Variants in ZC3HAV1L observed in about 807,000 individuals in gnomAD.
ZC3HAV1L encodes ZC3HAV1 like, also known as zinc finger CCCH-type antiviral protein 1-like.
A neutral mutation model predicts 28.2 loss-of-function variants in ZC3HAV1L; 23 were observed. The observed-to-expected ratio is 0.82, with a 90% CI of 0.59 to 1.16. ZC3HAV1L has a LOEUF of 1.16. ZC3HAV1L is among the 50% of genes most tolerant of loss of function. The pLI, the probability that ZC3HAV1L is intolerant of heterozygous loss-of-function variation, is 0.00. For missense variants in ZC3HAV1L, 376 were observed against 387.7 expected (o/e 0.97, Z 0.25); for synonymous variants, 180 against 163.4 (o/e 1.10, Z -0.78).
rs189417805 is a variant in ZC3HAV1L at position 139,036,035 on chromosome 7, C to T, written c.-18G>A. On this transcript the variant is annotated 5_prime_UTR_variant, in exon 1 of 5. Transcript: ENST00000275766. ...TCCGCCATGGTCGCTGGCGCGGGCC[C>T]TGTGCGCGCGGCGCAGCGAGCCGGG... The T allele has an allele frequency of 5.5e-4, 822 of 1,481,206 alleles. 3 individuals are homozygous for T. In the African/African-American group the frequency reaches 9.6e-3, roughly 17 times the overall value. 91.8% of individuals were successfully genotyped at this position (1,481,206 alleles called of 1,614,324 possible).
rs1406888429 is a variant in ZC3HAV1L, at chr7:139,026,572, A to G, written c.887-12T>C. 2.5e-6 allele frequency: 4 copies of G among 1,612,536 alleles called. No homozygotes were observed. The highest frequency in any genetic ancestry group is 3.3e-5 in the Admixed American group (2 of 59,996). On this transcript the variant is annotated splice_polypyrimidine_tract_variant and intron_variant, in intron 4 of 4. Transcript: ENST00000275766. ...CTTCTCGCAAGACACTGTGAGGTAGATATTATTATGACCATTACAAATCTA... is the reference window on the plus strand; with the variant it reads ...CTTCTCGCAAGACACTGTGAGGTAGGTATTATTATGACCATTACAAATCTA...
rs1295755007 is a variant in ZC3HAV1L at position 139,026,821 on chromosome 7, G to A, written c.773C>T (p.Pro258Leu). 6.2e-6 allele frequency: 10 copies of A among 1,612,020 alleles called. No homozygotes were observed. The highest frequency in any genetic ancestry group is 1.3e-5 in the African/African-American group (1 of 74,854). ...KMLENTDNSSPSTEHSQGLEK... is the reference protein window; with the variant it reads ...KMLENTDNSSLSTEHSQGLEK... Reference sequence around the variant, plus strand: ...AAGGCCTTGTGAATGCTCAGTCGAAGGTGATGAATTATCTACAAAGAGGAA... The same window carrying A: ...AAGGCCTTGTGAATGCTCAGTCGAAAGTGATGAATTATCTACAAAGAGGAA... The change falls in exon 4 of 5, where the codon CCT becomes CTT. Residue 258 changes from proline to leucine, a missense_variant. Transcript: ENST00000275766.
chr7:139,035,431 G>C (rs1371518229), intron 1 of ZC3HAV1L: 4 of 985,284 alleles, frequency 4.1e-6, no homozygotes, highest in Non-Finnish European at 4.8e-6. Context: ...TCTGGCGTGG[G>C]CGGTTGAGAC....
chr7:139,034,963 CCTT>C, intron 1 of ZC3HAV1L: 1 of 985,436 alleles, frequency 1.0e-6, no homozygotes, highest in Non-Finnish European at 1.2e-6. Context: ...CTGCACCTGG[CCTT>C]CTCCCCGGCA....
Position 139,030,656 on chromosome 7 carries a change from G to A in ZC3HAV1L, c.502-1696C>T, listed in dbSNP as rs942633140. On this transcript the variant is annotated intron_variant, in intron 2 of 4. Coordinates refer to ENST00000275766, the MANE Select transcript of ZC3HAV1L (RefSeq NM_080660.4). Reference sequence around the variant, plus strand: ...AGCCTGGCCAATATGGTGAAACCCCGTCTCTACCAAAAATACAAAAATTAG... The same window carrying A: ...AGCCTGGCCAATATGGTGAAACCCCATCTCTACCAAAAATACAAAAATTAG... Among the ~76,000 whole-genome samples, 9 of 151,438 alleles carry A rather than the reference G, an allele frequency of 5.9e-5. No individual in the cohort carries two copies. The East Asian group carries it at 9.8e-4, about 16-fold the overall frequency.
At chr7:139,035,111 C>G (rs910733929) in intron 1 of ZC3HAV1L, 3 of 985,332 alleles carry the variant, frequency 3.0e-6, no homozygotes, top group African/African-American at 3.5e-5. Context: ...GAGGCAGCCC[C>G]GAACCCCAGC....
rs369793399 is a variant in ZC3HAV1L, at chr7:139,026,262, G to GAAA, written c.*279_*281dup. 178 of 373,412 alleles carry GAAA rather than the reference G, an allele frequency of 4.8e-4. No individual in the cohort carries two copies. Among genetic ancestry groups the GAAA allele is most frequent in the South Asian group, 1.8e-3 (29 of 16,110 alleles). The allele number at this position is 373,412 out of a possible 1,614,324, so 23.1% of individuals were successfully genotyped here. On this transcript the variant is annotated 3_prime_UTR_variant, in exon 5 of 5. Coordinates refer to ENST00000275766, the MANE Select transcript of ZC3HAV1L (RefSeq NM_080660.4). Reference sequence around the variant, plus strand: ...AGATGCTTATGAGACAATATTAAGTGAAAAAAAAAAATGAGTGCAAAGTAC... The same window carrying GAAA: ...AGATGCTTATGAGACAATATTAAGTGAAAAAAAAAAAAAATGAGTGCAAAGTAC...
intron 2 of ZC3HAV1L, among the ~76,000 whole-genome samples, chr7:139,032,672 T>G (rs1438845088): frequency 6.7e-6 from 1 of 149,200 alleles, no homozygotes; most frequent in Non-Finnish European, 1.5e-5. Context: ...TAAAATAAAA[T>G]AAATAAAAAA....
chr7:139,029,827 G>A (rs770249910), intron 2 of ZC3HAV1L, among the ~76,000 whole-genome samples: 7 of 152,226 alleles, frequency 4.6e-5, no homozygotes, highest in Non-Finnish European at 8.8e-5. Flanking sequence ...TGATCCAGAC[G>A]AGGGCATTTT....
At chr7:139,023,475 T>A (rs1032124286), downstream of ZC3HAV1L, among the ~76,000 whole-genome samples, 1 of 152,242 alleles carries the variant, frequency 6.6e-6, no homozygotes, top group Non-Finnish European at 1.5e-5. Flanking sequence ...CTTCTCCCAC[T>A]GCTCTTGCAT....
Position 139,027,318 on chromosome 7 carries a change from C to T in ZC3HAV1L, c.761-485G>A, listed in dbSNP as rs112990802. Among the ~76,000 whole-genome samples the T allele has an allele frequency of 1.6e-4, 25 of 152,252 alleles. 1 individual carries two copies. The highest frequency in any genetic ancestry group is 6.0e-4 in the African/African-American group (25 of 41,540). ...GATTTCTAGGTACCAGCAAATGTAACAGAATAAGTAACTGAATGCATTAGA... is the reference window on the plus strand; with the variant it reads ...GATTTCTAGGTACCAGCAAATGTAATAGAATAAGTAACTGAATGCATTAGA... On this transcript the variant is annotated intron_variant, in intron 3 of 4. Transcript: ENST00000275766.
At chr7:139,023,085 G>C (rs368437106), downstream of ZC3HAV1L, among the ~76,000 whole-genome samples, 21 of 146,256 alleles carry the variant, frequency 1.4e-4, no homozygotes, top group African/African-American at 5.0e-4. Flanking sequence ...TGAGGCAGGA[G>C]AATCACTTGA....
intron 3 of ZC3HAV1L, 103 bp from the exon 4 acceptor site, chr7:139,026,936 C>G (rs1815371146): frequency 1.5e-6 from 2 of 1,319,452 alleles, no homozygotes; most frequent in Admixed American, 4.8e-5. Context: ...ACTCCCAACA[C>G]ATGGATTTGG....
chr7:139,031,564 C>T (rs140629067), intron 2 of ZC3HAV1L, among the ~76,000 whole-genome samples: 3,344 of 151,414 alleles, frequency 0.022, 109 homozygotes, highest in African/African-American at 0.073. Context: ...CCAGTCTGGG[C>T]GACAGAGCAA....
intron 1 of ZC3HAV1L, chr7:139,035,169 T>C (rs1815663321): frequency 3.0e-6 from 3 of 985,400 alleles, no homozygotes; most frequent in Non-Finnish European, 3.6e-6. Context: ...TCCAGCCCTG[T>C]TTCCTGGGGT....
downstream of ZC3HAV1L, among the ~76,000 whole-genome samples, chr7:139,024,715 G>C (rs958474089): frequency 6.6e-6 from 1 of 152,102 alleles, no homozygotes; most frequent in Admixed American, 6.6e-5. Context: ...TCCCTCAATT[G>C]AAAAGATAGC....
chr7:139,035,447 C>T, intron 1 of ZC3HAV1L: 4 of 985,366 alleles, frequency 4.1e-6, no homozygotes, highest in Non-Finnish European at 4.8e-6. Context: ...GAGACGTCTC[C>T]ATGGAGAGGA....
intron 2 of ZC3HAV1L, among the ~76,000 whole-genome samples, chr7:139,031,480 G>C (rs1335860783): frequency 6.6e-6 from 1 of 152,108 alleles, no homozygotes; most frequent in African/African-American, 2.4e-5. Context: ...CAGCTACTAG[G>C]GAGGCTGAGG....
chr7:139,034,237 T>C (rs1413584628), intron 2 of ZC3HAV1L: 1 of 925,022 alleles, frequency 1.1e-6, no homozygotes, highest in Non-Finnish European at 1.3e-6. Context: ...CAAGTGGAGG[T>C]GTCTATGATA....
Sources: allele counts gnomAD v4.1 joint callset (sites outside exome capture counted in the v4.1 genomes callset), GRCh38; gene constraint gnomAD v4.1.1; transcripts MANE v1.5; gene names NCBI Gene and HGNC (gene_info 2026-07-23, HGNC 2026-07-21).